The following CCDC91 variants were observed in gnomAD, a reference collection of about 807,000 sequenced individuals.
CCDC91 encodes coiled-coil domain-containing protein 91.
Under a neutral mutation model 63.2 loss-of-function variants are expected in CCDC91, and 48 were observed. That is an observed-to-expected ratio of 0.76 (90% CI 0.60 to 0.97). The LOEUF (loss-of-function observed/expected upper bound fraction) is 0.97, where lower values mean the gene tolerates loss of function less well. Among genes scored for constraint, CCDC91 ranks in the 50% least tolerant of loss-of-function variants. The probability of loss-of-function intolerance (pLI) is 0.00; values close to 1 mark genes in which losing one functional copy is unlikely to be tolerated. For synonymous variants in CCDC91, 167 were observed against 165.8 expected (o/e 1.01, Z -0.06); for missense variants, 500 against 494.6 (o/e 1.01, Z -0.10).
chr12:28,211,262 T>C (rs1265852375), intron 1 of CCDC91, among the ~76,000 whole-genome samples: 4 of 151,942 alleles, frequency 2.6e-5, no homozygotes, highest in Admixed American at 2.6e-4. Context: ...TTTGCCAACA[T>C]GCCAAGCCTC....
At chr12:28,500,691 A>C (rs1303841734) in intron 12 of CCDC91, among the ~76,000 whole-genome samples, 1 of 151,714 alleles carries the variant, frequency 6.6e-6, no homozygotes, top group African/African-American at 2.4e-5. Flanking sequence ...CAGTTTAGCT[A>C]TTTCAAGAAC....
At chr12:28,431,724 A>G (rs769332288) in intron 8 of CCDC91, among the ~76,000 whole-genome samples, 3 of 151,898 alleles carry the variant, frequency 2.0e-5, no homozygotes, top group Non-Finnish European at 4.4e-5. Flanking sequence ...GTTACATTCC[A>G]TGAATCTACG....
intron 12 of CCDC91, among the ~76,000 whole-genome samples, chr12:28,537,050 T>C (rs985638702): frequency 9.2e-5 from 14 of 152,176 alleles, no homozygotes; most frequent in African/African-American, 3.4e-4. Flanking sequence ...TTAAGTTGAT[T>C]AGGAACCTTA....
intron 8 of CCDC91, among the ~76,000 whole-genome samples, chr12:28,415,668 G>GTGTA (rs982080025): frequency 1.3e-5 from 2 of 151,050 alleles, no homozygotes; most frequent in African/African-American, 4.9e-5. Flanking sequence ...ATATATTTGT[G>GTGTA]TGTGTGTGTG....
chr12:28,210,401 C>G (rs1264524444), intron 1 of CCDC91, among the ~76,000 whole-genome samples: 2 of 152,086 alleles, frequency 1.3e-5, no homozygotes, highest in Non-Finnish European at 2.9e-5. Flanking sequence ...AATTAGAGCT[C>G]TTTTATATAA....
intron 11 of CCDC91, among the ~76,000 whole-genome samples, chr12:28,463,759 A>G (rs765668589): frequency 2.0e-5 from 3 of 152,188 alleles, no homozygotes; most frequent in African/African-American, 4.8e-5. Flanking sequence ...ATTTTGGGGT[A>G]ATCCTGGTCA....
chr12:28,203,979 A>C (rs1369342115), intron 1 of CCDC91, among the ~76,000 whole-genome samples: 1 of 152,198 alleles, frequency 6.6e-6, no homozygotes, highest in African/African-American at 2.4e-5. Flanking sequence ...TAAAAAAAAC[A>C]ACCAGAAGCC....
chr12:28,439,095 T>C (rs1162336233), intron 8 of CCDC91, among the ~76,000 whole-genome samples: 1 of 152,214 alleles, frequency 6.6e-6, no homozygotes, highest in African/African-American at 2.4e-5. Flanking sequence ...GTCAAAGTCC[T>C]ACTTAAATAG....
chr12:28,499,345 G>T (rs547665698), intron 12 of CCDC91, among the ~76,000 whole-genome samples: 1 of 137,660 alleles, frequency 7.3e-6, no homozygotes, highest in Non-Finnish European at 1.7e-5. Flanking sequence ...GGAATATATG[G>T]CACCTCACTT....
chr12:28,464,482 T>A (rs575023353), intron 11 of CCDC91, among the ~76,000 whole-genome samples: 2 of 152,148 alleles, frequency 1.3e-5, no homozygotes, highest in Non-Finnish European at 2.9e-5. Context: ...GACTTTGTCT[T>A]GCATCTTGGA....
At chr12:28,317,671 T>C (rs1940039543) in intron 6 of CCDC91, among the ~76,000 whole-genome samples, 1 of 152,016 alleles carries the variant, frequency 6.6e-6, no homozygotes, top group Non-Finnish European at 1.5e-5. Context: ...GCTTCATTTT[T>C]TATTTTTTAA....
intron 12 of CCDC91, 38 bp from the exon 13 acceptor site, chr12:28,549,025 T>C (rs1464395270): frequency 1.5e-6 from 2 of 1,376,948 alleles, no homozygotes; most frequent in Admixed American, 1.7e-5. Flanking sequence ...TCAGTATTTT[T>C]TTTTCTCTTT....
intron 6 of CCDC91, among the ~76,000 whole-genome samples, chr12:28,357,270 A>T (rs1157994834): frequency 6.6e-6 from 1 of 152,188 alleles, no homozygotes; most frequent in Non-Finnish European, 1.5e-5. Flanking sequence ...CAGGCATATT[A>T]AGAGTATGAA....
intron 6 of CCDC91, among the ~76,000 whole-genome samples, chr12:28,331,166 T>C (rs1214631826): frequency 6.6e-6 from 1 of 152,248 alleles, no homozygotes; most frequent in Non-Finnish European, 1.5e-5. Flanking sequence ...ATTGATTTCC[T>C]TTTATATTTA....
At chr12:28,527,212 C>T (rs1249897982) in intron 12 of CCDC91, among the ~76,000 whole-genome samples, 1 of 151,996 alleles carries the variant, frequency 6.6e-6, no homozygotes, top group Non-Finnish European at 1.5e-5. Flanking sequence ...GGTTGGTTTT[C>T]TGGTTTCTTA....
At chr12:28,496,481 G>C (rs1952288027) in intron 12 of CCDC91, among the ~76,000 whole-genome samples, 1 of 151,532 alleles carries the variant, frequency 6.6e-6, no homozygotes, top group Admixed American at 6.6e-5. Context: ...CATAAGGCTG[G>C]AAATTTTTTA....
chr12:28,201,272 C>CG (rs35346596), intron 1 of CCDC91, among the ~76,000 whole-genome samples: 14 of 144,890 alleles, frequency 9.7e-5, no homozygotes, highest in Admixed American at 8.3e-4. Context: ...ACTTCTCAGA[C>CG]GGGCGGTTGC....
chr12:28,262,005 C>T (rs930220234), intron 3 of CCDC91, among the ~76,000 whole-genome samples: 4 of 152,004 alleles, frequency 2.6e-5, no homozygotes, highest in Admixed American at 6.6e-5. Flanking sequence ...TCAGCCAAAG[C>T]TATCTTTTTC....
chr12:28,447,097 A>G (rs1301549323), intron 8 of CCDC91, among the ~76,000 whole-genome samples: 2 of 152,210 alleles, frequency 1.3e-5, no homozygotes, highest in Non-Finnish European at 2.9e-5. Flanking sequence ...CTCAACCTTC[A>G]GCCTGTTAAT....
Sources: allele counts gnomAD v4.1 joint callset (sites outside exome capture counted in the v4.1 genomes callset), GRCh38; gene constraint gnomAD v4.1.1; transcripts MANE v1.5; gene names NCBI Gene and HGNC (gene_info 2026-07-23, HGNC 2026-07-21).